HSPG2: variants seen among roughly 807,000 people sequenced by gnomAD.
The protein encoded by HSPG2 is heparan sulfate proteoglycan 2, also known as basement membrane-specific heparan sulfate proteoglycan core protein.
HSPG2 carries 278 observed loss-of-function variants against 526.6 expected under a neutral mutation model. The ratio of observed to expected loss-of-function variants is 0.53; its 90% CI spans 0.48 to 0.58. The LOEUF (loss-of-function observed/expected upper bound fraction) is 0.58. HSPG2 is among the 20% of genes least tolerant of loss of function. The pLI is 0.00. For synonymous variants in HSPG2, 2,465 were observed against 2,555.4 expected (o/e 0.96, Z 1.07); for missense variants, 5,354 against 6,099.5 (o/e 0.88, Z 4.07).
Position 21,828,878 on chromosome 1 carries a change from G to C in HSPG2, c.12194C>G (p.Pro4065Arg). The C allele has an allele frequency of 6.4e-7, 1 of 1,552,944 alleles. No individual in the cohort carries two copies. The highest frequency in any genetic ancestry group is 1.2e-5 in the South Asian group (1 of 84,216). Residue 4065 changes from proline (P) to arginine (R), a missense_variant, in exon 88 of 97, where the codon CCG becomes CGG. Coordinates refer to ENST00000374695, the MANE Select transcript of HSPG2 (RefSeq NM_005529.7). This position sits in a 1 kb window ranked among gnomAD's most constrained non-coding sequence, Gnocchi z 6.0. ...GAAGTGAGCGCTCATGTTGGTGGCCGGGGACAGTGGCACGGAAGGCTCCAC... is the reference window on the plus strand; with the variant it reads ...GAAGTGAGCGCTCATGTTGGTGGCCCGGGACAGTGGCACGGAAGGCTCCAC... ...GGVEPSVPLS[P>R]ATNMSAHFRG...
In HSPG2 at chr1:21,890,557, C is replaced by T. The variant is rs749451402; in HGVS notation, c.354+28G>A. 41 of 1,609,736 alleles carry T rather than the reference C, an allele frequency of 2.5e-5. No homozygotes were observed. The highest frequency in any genetic ancestry group is 1.1e-4 in the South Asian group (10 of 90,996). On this transcript the variant is annotated intron_variant, in intron 4 of 96. Transcript: ENST00000374695. This position sits in a 1 kb window ranked among gnomAD's most constrained non-coding sequence, Gnocchi z 4.1. Reference sequence around the variant, plus strand: ...CCTCGGTCCTGCCCCGCCACACCCGCGAGCTTCCCAAACCCCCTTCACCTC... The same window carrying T: ...CCTCGGTCCTGCCCCGCCACACCCGTGAGCTTCCCAAACCCCCTTCACCTC...
chr1:21,882,991 T>G (rs1015291900), intron 13 of HSPG2, among the ~76,000 whole-genome samples: 3 of 152,030 alleles, frequency 2.0e-5, no homozygotes, highest in East Asian at 3.9e-4. Flanking sequence ...TCAGGCCTCC[T>G]CCCTCCTGGT....
intron 65 of HSPG2, among the ~76,000 whole-genome samples, chr1:21,843,671 G>T (rs1320845574): frequency 1.3e-5 from 2 of 151,934 alleles, no homozygotes; most frequent in Non-Finnish European, 2.9e-5. Context: ...TTTTGAGACA[G>T]TGTCTCGCTC....
chr1:21,844,760 C>T (rs977113336), intron 64 of HSPG2, among the ~76,000 whole-genome samples: 33 of 152,256 alleles, frequency 2.2e-4, no homozygotes, highest in African/African-American at 7.7e-4. Flanking sequence ...ACAATGCCAT[C>T]TACCTCAAAG....
At chr1:21,846,401 GC>G in intron 63 of HSPG2, 46 bp downstream of exon 63, 1 of 1,612,040 alleles carries the variant, frequency 6.2e-7, no homozygotes. Context: ...GCTAGCCAGG[GC>G]CCCCACATCC....
chr1:21,851,146 T>C (rs987702150), intron 55 of HSPG2, among the ~76,000 whole-genome samples: 49 of 152,240 alleles, frequency 3.2e-4, no homozygotes, highest in African/African-American at 1.1e-3. Context: ...CTAATTTTTA[T>C]ATTTTTAATA....
Position 21,831,264 on chromosome 1 carries a change from G to T in HSPG2, c.11513C>A (p.Thr3838Lys), listed in dbSNP as rs750376699. The change falls in exon 84 of 97, where the codon ACG (threonine) becomes AAG (lysine). Residue 3838 changes from threonine (T) to lysine (K), a missense_variant. Physicochemically the swap from Thr to Lys is moderately conservative, Grantham distance 78. Transcript: ENST00000374695. ...EEIVFHDLNL[T>K]AHGISHCPTC... The stretch of plus-strand genomic sequence containing the variant: ...GGGGCAGTGGGAGATGCCGTGCGCC[G>T]TGAGGTTGAGGTCATGGAAGACGAT... The T allele has an allele frequency of 1.2e-6, 2 of 1,614,044 alleles. No homozygotes were observed. The highest frequency in any genetic ancestry group is 2.2e-5 in the South Asian group (2 of 91,090).
chr1:21,846,470 C>A lies in HSPG2; in HGVS notation c.8294G>T (p.Gly2765Val), dbSNP rs746168735. The change falls in exon 63 of 97, where the codon GGC becomes GTC. Residue 2765 changes from glycine to valine, a missense_variant. By Grantham distance (109) the Gly-to-Val change is moderately radical. Transcript: ENST00000374695. Reference protein sequence around the residue: ...HAQVTWHKRGGSLPSHHQTRG... With the variant: ...HAQVTWHKRGVSLPSHHQTRG... ...TACCTGATGGTGACTGGGGAGGCTG[C>A]CCCCACGCTTGTGCCAAGTGACCTG... 2 of 1,613,598 alleles carry A rather than the reference C, an allele frequency of 1.2e-6. No homozygotes were observed. Among genetic ancestry groups the A allele is most frequent in the Non-Finnish European group, 8.5e-7 (1 of 1,180,044 alleles).
In HSPG2 at chr1:21,920,643, A is replaced by G. The variant is rs143443916; in HGVS notation, c.63+16512T>C. On this transcript the variant is annotated intron_variant, in intron 1 of 96. Transcript: ENST00000374695. ...TGCAACCTCAGCCTGCCTGCTTCAC[A>G]CATTCCTGTTGGAGCAACATTACCT... is the stretch of plus-strand genomic sequence containing the variant. Among the ~76,000 whole-genome samples the G allele has an allele frequency of 3.2e-3, 484 of 152,326 alleles. 2 individuals carry two copies. The highest frequency in any genetic ancestry group is 4.9e-3 in the Non-Finnish European group (330 of 68,032).
At chr1:21,927,198 A>G (rs1644221003) in intron 1 of HSPG2, among the ~76,000 whole-genome samples, 1 of 152,072 alleles carries the variant, frequency 6.6e-6, no homozygotes, top group Non-Finnish European at 1.5e-5. Context: ...TTCCCCACCG[A>G]CTGGGATGGG....
intron 74 of HSPG2, among the ~76,000 whole-genome samples, chr1:21,837,209 G>A (rs1417682522): frequency 2.0e-5 from 3 of 152,236 alleles, no homozygotes; most frequent in South Asian, 2.1e-4. Context: ...ATAAGGGCCT[G>A]TGGAGCGCTG....
chr1:21,907,308 T>A (rs966330457), intron 1 of HSPG2, among the ~76,000 whole-genome samples: 10 of 152,124 alleles, frequency 6.6e-5, no homozygotes, highest in African/African-American at 2.2e-4. Context: ...GGGGTGCTGG[T>A]GCTCTTCAGG....
intron 14 of HSPG2, among the ~76,000 whole-genome samples, chr1:21,881,129 C>T (rs1017213125): frequency 1.3e-5 from 2 of 152,160 alleles, no homozygotes; most frequent in East Asian, 1.9e-4. Context: ...GGGAGGGCTC[C>T]CGGGAGGAGG....
rs201765006 is a variant in HSPG2, at chr1:21,884,863, C to G, written c.1411G>C (p.Glu471Gln). The change falls in exon 12 of 97, where the codon GAG (glutamate) becomes CAG (glutamine). Residue 471 changes from glutamate to glutamine, a missense_variant. Coordinates refer to ENST00000374695, the MANE Select transcript of HSPG2 (RefSeq NM_005529.7). Reference sequence around the variant, plus strand: ...CAGGTGTAGGCACCCTGGTCTGACTCCTTCACATCACGGATGATCAGTGTG... The same window carrying G: ...CAGGTGTAGGCACCCTGGTCTGACTGCTTCACATCACGGATGATCAGTGTG... ...RGTLIIRDVKESDQGAYTCEA... is the reference protein window; with the variant it reads ...RGTLIIRDVKQSDQGAYTCEA... 4.0e-5 allele frequency: 65 copies of G among 1,613,854 alleles called. No homozygotes were observed. Among genetic ancestry groups the G allele is most frequent in the Non-Finnish European group, 5.1e-6 (6 of 1,180,034 alleles).
intron 45 of HSPG2, 52 bp from the exon 46 acceptor site, chr1:21,855,727 C>T (rs1256024209): frequency 3.1e-6 from 5 of 1,602,458 alleles, no homozygotes; most frequent in Non-Finnish European, 4.3e-6. Context: ...AGAGTCCTGC[C>T]CCTCCCCTCC....
intron 21 of HSPG2, among the ~76,000 whole-genome samples, 172 bp downstream of exon 21, chr1:21,878,014 G>A (rs1030876117): frequency 3.3e-5 from 5 of 152,220 alleles, no homozygotes; most frequent in Non-Finnish European, 2.9e-5. Context: ...CCTTCCCAAC[G>A]CCAGGCCACC....
chr1:21,859,852 G>C lies in HSPG2; in HGVS notation c.5165C>G (p.Thr1722Ser), dbSNP rs1205077113. Residue 1722 changes from threonine to serine, a missense_variant, in exon 41 of 97, where the codon ACC becomes AGC. Thr to Ser is a moderately conservative substitution (Grantham distance 58). Transcript: ENST00000374695. This position sits in a 1 kb window ranked among gnomAD's most constrained non-coding sequence, Gnocchi z 5.3. Reference protein sequence around the residue: ...REDGRPVPSGTQQRHQGSELH... With the variant: ...REDGRPVPSGSQQRHQGSELH... Reference sequence around the variant, plus strand: ...ATGGGTACCTTGATGTCGCTGCTGGGTGCCGCTGGGCACAGGCCGCCCATC... The same window carrying C: ...ATGGGTACCTTGATGTCGCTGCTGGCTGCCGCTGGGCACAGGCCGCCCATC... 1 of 1,611,478 alleles carries C rather than the reference G, an allele frequency of 6.2e-7. No homozygotes were observed. The highest frequency in any genetic ancestry group is 1.7e-5 in the Admixed American group (1 of 59,870).
Position 21,824,520 on chromosome 1 carries a change from C to T in HSPG2, c.12744+17G>A, listed in dbSNP as rs757794457. On this transcript the variant is annotated intron_variant, in intron 93 of 96. Transcript: ENST00000374695. This position sits in a 1 kb window ranked among gnomAD's most constrained non-coding sequence, Gnocchi z 5.9. ...GCCCCAGGAGCCCCAAGAGCCCAGC[C>T]GGATACCCACACTCACCACACCCTG... 45 of 1,612,792 alleles carry T rather than the reference C, an allele frequency of 2.8e-5. No homozygotes were observed. The highest frequency in any genetic ancestry group is 1.3e-4 in the Admixed American group (8 of 60,028).
At chr1:21,832,723 T>A in intron 80 of HSPG2, 117 bp from the exon 81 acceptor site, 1 of 737,204 alleles carries the variant, frequency 1.4e-6, no homozygotes, top group South Asian at 1.5e-5. Context: ...TGTCCCTCCC[T>A]CTGGCACTCC....
Sources: gnomAD v4.1 joint callset for allele counts (sites outside exome capture counted in the v4.1 genomes callset) on GRCh38, gnomAD v4.1.1 for gene constraint, Gnocchi (gnomAD v3.1) non-coding constraint, MANE v1.5 for transcripts, NCBI Gene and HGNC (gene_info 2026-07-23, HGNC 2026-07-21) for gene names.